LRRC37A2: variants seen among roughly 807,000 people sequenced by gnomAD.
LRRC37A2 encodes the protein leucine-rich repeat-containing protein 37A2.
A neutral mutation model predicts 68.8 loss-of-function variants in LRRC37A2; 9 were observed. That is an observed-to-expected ratio of 0.13 (90% CI 0.08 to 0.23). The LOEUF (loss-of-function observed/expected upper bound fraction) is 0.23. Ranked by LOEUF, LRRC37A2 falls within the 10% of genes least tolerant of loss-of-function variation. LRRC37A2 has a pLI of 1.00. For missense variants in LRRC37A2, 168 were observed against 950.4 expected (o/e 0.18, Z 10.82); for synonymous variants, 63 against 367.6 (o/e 0.17, Z 9.48).
the LRRC37A2 span, among the ~76,000 whole-genome samples, chr17:46,690,593 CAG>C: frequency 1.3e-5 from 1 of 77,990 alleles, no homozygotes; most frequent in Non-Finnish European, 2.5e-5. Flanking sequence ...GCCTGGGCAA[CAG>C]AGTGAGACTC....
At chr17:46,711,170 A>G in the LRRC37A2 span, 19 of 1,433,898 alleles carry the variant, frequency 1.3e-5, no homozygotes, top group Admixed American at 3.0e-5. Flanking sequence ...AAAAAGCAGC[A>G]TTTTTTAAAA....
the LRRC37A2 span, among the ~76,000 whole-genome samples, chr17:46,835,457 C>T: frequency 6.6e-6 from 1 of 152,054 alleles, no homozygotes; most frequent in Non-Finnish European, 1.5e-5. Context: ...GTGATCCACC[C>T]ACCTCGGCCT....
the LRRC37A2 span, among the ~76,000 whole-genome samples, chr17:46,951,808 C>A: frequency 2.0e-5 from 3 of 152,110 alleles, no homozygotes; most frequent in African/African-American, 7.2e-5. Flanking sequence ...ACACACAGGG[C>A]CCTCTCTTCC....
At chr17:46,892,187 G>A in the LRRC37A2 span, among the ~76,000 whole-genome samples, 1 of 151,938 alleles carries the variant, frequency 6.6e-6, no homozygotes, top group African/African-American at 2.4e-5. Flanking sequence ...CCAAAGTGCT[G>A]GGATTACAGG....
the LRRC37A2 span, among the ~76,000 whole-genome samples, chr17:46,896,371 G>A: frequency 1.4e-5 from 2 of 139,914 alleles, no homozygotes; most frequent in Admixed American, 1.6e-4. Context: ...AAGAAAGAGA[G>A]AGAGAGAAGA....
chr17:46,714,531 C>G, the LRRC37A2 span, among the ~76,000 whole-genome samples: 2 of 152,192 alleles, frequency 1.3e-5, no homozygotes, highest in African/African-American at 4.8e-5. Flanking sequence ...AACATGGCCA[C>G]TTTCTACCAT....
At chr17:46,494,481 AATG>A in the LRRC37A2 span, among the ~76,000 whole-genome samples, 34 of 149,200 alleles carry the variant, frequency 2.3e-4, 1 homozygote, top group African/African-American at 8.6e-4. Flanking sequence ...TATGTAAATG[AATG>A]ATAATGGCTG....
chr17:46,990,484 A>T, the LRRC37A2 span, among the ~76,000 whole-genome samples: 1 of 152,148 alleles, frequency 6.6e-6, no homozygotes, highest in Non-Finnish European at 1.5e-5. Flanking sequence ...ATCTTGAAGG[A>T]TCTTCCCCCA....
At chr17:46,842,482 C>T in the LRRC37A2 span, among the ~76,000 whole-genome samples, 2 of 152,200 alleles carry the variant, frequency 1.3e-5, no homozygotes, top group Non-Finnish European at 2.9e-5. Context: ...TCAAACCATC[C>T]TCCTGCCTCA....
the LRRC37A2 span, among the ~76,000 whole-genome samples, chr17:46,833,800 G>A: frequency 6.6e-6 from 1 of 152,174 alleles, no homozygotes; most frequent in Non-Finnish European, 1.5e-5. Context: ...GGGGGCTCCT[G>A]ATCGGGAGGC....
chr17:46,747,361 G>C, the LRRC37A2 span, among the ~76,000 whole-genome samples: 18 of 152,188 alleles, frequency 1.2e-4, no homozygotes, highest in Admixed American at 3.3e-4. Context: ...GCTCACTCCA[G>C]CCTCAAACTC....
the LRRC37A2 span, among the ~76,000 whole-genome samples, chr17:47,014,255 T>C: frequency 2.7e-5 from 4 of 149,386 alleles, no homozygotes; most frequent in African/African-American, 9.9e-5. Flanking sequence ...CTGGGTGTGG[T>C]GGCGGGCACC....
At chr17:46,979,030 C>T in the LRRC37A2 span, 31 of 1,387,032 alleles carry the variant, frequency 2.2e-5, no homozygotes, top group Non-Finnish European at 4.6e-6. Context: ...CCGGGGGTCT[C>T]GGCGCGCAGT....
At chr17:46,826,622 T>C in the LRRC37A2 span, among the ~76,000 whole-genome samples, 1 of 152,200 alleles carries the variant, frequency 6.6e-6, no homozygotes, top group Non-Finnish European at 1.5e-5. Flanking sequence ...AACCTCTCTG[T>C]ACCTGCTTCA....
chr17:46,766,545 C>G, the LRRC37A2 span, among the ~76,000 whole-genome samples: 2 of 152,210 alleles, frequency 1.3e-5, no homozygotes, highest in Admixed American at 6.5e-5. Flanking sequence ...ACTCCCCACA[C>G]TGCTTTTGTT....
chr17:46,416,971 G>A, the LRRC37A2 span, among the ~76,000 whole-genome samples: 14 of 127,422 alleles, frequency 1.1e-4, no homozygotes, highest in African/African-American at 3.3e-4. Context: ...GGTGGTGTGC[G>A]TCCGTAATCC....
At chr17:46,784,961 TAG>T in the LRRC37A2 span, among the ~76,000 whole-genome samples, 2 of 152,042 alleles carry the variant, frequency 1.3e-5, no homozygotes, top group Non-Finnish European at 2.9e-5. Flanking sequence ...TATTTTTTAG[TAG>T]AGACGGGGTT....
the LRRC37A2 span, among the ~76,000 whole-genome samples, chr17:46,776,986 C>T: frequency 2.0e-5 from 3 of 152,126 alleles, no homozygotes; most frequent in African/African-American, 7.2e-5. Context: ...GAGGCTGAGC[C>T]CTGGTCCAGC....
chr17:46,473,530 T>C, the LRRC37A2 span, among the ~76,000 whole-genome samples: 1 of 9,234 alleles, frequency 1.1e-4, no homozygotes, highest in Admixed American at 9.1e-4. Context: ...TTACACTTTA[T>C]TTGTTTTACA....
Sources: allele counts gnomAD v4.1 joint callset (sites outside exome capture counted in the v4.1 genomes callset), GRCh38; gene constraint gnomAD v4.1.1; transcripts MANE v1.5; gene names NCBI Gene and HGNC (gene_info 2026-07-23, HGNC 2026-07-21).